Variants in PDS5B observed in about 807,000 individuals in gnomAD.
PDS5B encodes sister chromatid cohesion protein PDS5 homolog B.
Under a neutral mutation model 184.1 loss-of-function variants are expected in PDS5B, and 51 were observed. The observed-to-expected ratio is 0.28, with a 90% CI of 0.22 to 0.35. The LOEUF (loss-of-function observed/expected upper bound fraction) is 0.35, where lower values mean the gene tolerates loss of function less well. Among genes scored for constraint, PDS5B ranks in the 10% least tolerant of loss-of-function variants. The pLI, the probability that PDS5B is intolerant of heterozygous loss-of-function variation, is 1.00. For missense variants in PDS5B, 1,180 were observed against 1,723.3 expected, an observed-to-expected ratio of 0.68 and a Z score of 5.58; for synonymous variants, 566 against 569.2, an observed-to-expected ratio of 0.99 and a Z score of 0.08.
chr13:32,636,002 C>A (rs2058549751), intron 1 of PDS5B, among the ~76,000 whole-genome samples: 1 of 151,990 alleles, frequency 6.6e-6, no homozygotes, highest in Admixed American at 6.6e-5. Flanking sequence ...ATCTCCTGAC[C>A]TTGTGATCTG....
At chr13:32,626,381 G>A (rs375585139) in intron 1 of PDS5B, among the ~76,000 whole-genome samples, 1 of 152,176 alleles carries the variant, frequency 6.6e-6, no homozygotes, top group Non-Finnish European at 1.5e-5. Flanking sequence ...TGAAAAGAGG[G>A]CTCATCTGCT....
At chr13:32,590,965 A>AG (rs1329248108) in intron 1 of PDS5B, among the ~76,000 whole-genome samples, 2 of 147,288 alleles carry the variant, frequency 1.4e-5, no homozygotes, top group Non-Finnish European at 3.0e-5. Flanking sequence ...GTATATGGTA[A>AG]AAAAAAAAAA....
chr13:32,649,709 T>C (rs970627880), intron 2 of PDS5B: 1 of 152,184 alleles, frequency 6.6e-6, no homozygotes, highest in Non-Finnish European at 1.5e-5. Flanking sequence ...ATGCTAATAC[T>C]ATCATAAATT....
At chr13:32,671,161 T>TCTATGCCTC in intron 7 of PDS5B, among the ~76,000 whole-genome samples, 1 of 152,234 alleles carries the variant, frequency 6.6e-6, no homozygotes, top group East Asian at 1.9e-4. Flanking sequence ...AAACATATAT[T>TCTATGCCTC]CTATGCCTCC....
intron 19 of PDS5B, among the ~76,000 whole-genome samples, chr13:32,731,514 T>C: frequency 6.8e-6 from 1 of 146,520 alleles, no homozygotes; most frequent in East Asian, 1.9e-4. Context: ...TCTTTAAAAA[T>C]TTTTTTCTCT....
intron 1 of PDS5B, among the ~76,000 whole-genome samples, chr13:32,620,219 A>C (rs1238215783): frequency 6.6e-6 from 1 of 152,144 alleles, no homozygotes; most frequent in Non-Finnish European, 1.5e-5. Context: ...GCTAAGTTTT[A>C]ATGTTCACAA....
chr13:32,599,145 A>G (rs932762578), intron 1 of PDS5B, among the ~76,000 whole-genome samples: 1 of 152,008 alleles, frequency 6.6e-6, no homozygotes, highest in Non-Finnish European at 1.5e-5. Flanking sequence ...TTAACTTTCA[A>G]CAATTTGATG....
intron 10 of PDS5B, among the ~76,000 whole-genome samples, chr13:32,682,706 A>G (rs929358782): frequency 6.6e-6 from 1 of 152,256 alleles, no homozygotes; most frequent in African/African-American, 2.4e-5. Context: ...TCTCCATATT[A>G]GTTATACTGT....
At chr13:32,685,247 C>G (rs537354473) in intron 11 of PDS5B, among the ~76,000 whole-genome samples, 3 of 152,178 alleles carry the variant, frequency 2.0e-5, no homozygotes, top group Admixed American at 6.5e-5. Context: ...GTATCCAGAA[C>G]AATTTATTTT....
intron 23 of PDS5B, among the ~76,000 whole-genome samples, chr13:32,745,500 T>C (rs9285093): frequency 0.39 from 58,763 of 151,812 alleles, 11,827 homozygotes; most frequent in Non-Finnish European, 0.45. Flanking sequence ...TGTTCAGTAT[T>C]GCTAAATTAT....
intron 13 of PDS5B, among the ~76,000 whole-genome samples, chr13:32,693,109 T>A (rs1256573341): frequency 6.6e-6 from 1 of 152,014 alleles, no homozygotes; most frequent in East Asian, 1.9e-4. Flanking sequence ...GACTACCCCG[T>A]TTCTTTGAAA....
At chr13:32,746,164 C>T in intron 24 of PDS5B, 64 bp downstream of exon 24, 1 of 1,366,646 alleles carries the variant, frequency 7.3e-7, no homozygotes, top group East Asian at 2.3e-5. Flanking sequence ...GGAAAAACAT[C>T]CACTGTGATA....
chr13:32,631,131 T>TTTTTTA, intron 1 of PDS5B, among the ~76,000 whole-genome samples: 1 of 150,466 alleles, frequency 6.6e-6, no homozygotes. Flanking sequence ...TTTTTTTTTT[T>TTTTTTA]TTGAGATGGG....
intron 24 of PDS5B, among the ~76,000 whole-genome samples, chr13:32,751,483 A>G (rs1287495462): frequency 6.6e-6 from 1 of 152,218 alleles, no homozygotes; most frequent in Admixed American, 6.5e-5. Context: ...CCAGCATTGT[A>G]TTAGTGCTCC....
At chr13:32,631,522 C>T (rs13378546) in intron 1 of PDS5B, among the ~76,000 whole-genome samples, 46,604 of 152,132 alleles carry the variant, frequency 0.31, 8,634 homozygotes, top group Non-Finnish European at 0.42. Flanking sequence ...TTATATTCCC[C>T]AGTCAACAGT....
At chr13:32,737,481 G>T (rs568402571) in intron 21 of PDS5B, among the ~76,000 whole-genome samples, 1 of 152,134 alleles carries the variant, frequency 6.6e-6, no homozygotes, top group South Asian at 2.1e-4. Flanking sequence ...ATCATTAATC[G>T]TCTGTGTGAA....
intron 1 of PDS5B, among the ~76,000 whole-genome samples, chr13:32,606,559 C>T (rs1212467304): frequency 1.3e-5 from 2 of 152,126 alleles, no homozygotes; most frequent in East Asian, 3.9e-4. Flanking sequence ...AGTTGCCCTT[C>T]TCGAGGAGTA....
intron 28 of PDS5B, 96 bp downstream of exon 28, chr13:32,758,749 G>GTT: frequency 8.3e-7 from 1 of 1,207,824 alleles, no homozygotes; most frequent in Non-Finnish European, 1.2e-6. Flanking sequence ...AAAAATTGCT[G>GTT]TGAGTCTTAA....
intron 18 of PDS5B, among the ~76,000 whole-genome samples, chr13:32,708,420 T>G (rs890121144): frequency 2.0e-5 from 3 of 152,206 alleles, no homozygotes; most frequent in African/African-American, 4.8e-5. Flanking sequence ...CAAACAACAC[T>G]AAGGTGAATG....
Sources: gnomAD v4.1 joint callset for allele counts (sites outside exome capture counted in the v4.1 genomes callset) on GRCh38, gnomAD v4.1.1 for gene constraint, MANE v1.5 for transcripts, NCBI Gene and HGNC (gene_info 2026-07-23, HGNC 2026-07-21) for gene names.